HMGCLL1: variants seen among roughly 807,000 people sequenced by gnomAD.
HMGCLL1 encodes the protein 3-hydroxymethyl-3-methylglutaryl-CoA lyase, cytoplasmic.
Under a neutral mutation model 39.1 loss-of-function variants are expected in HMGCLL1, and 36 were observed. That is an observed-to-expected ratio of 0.92 (90% CI 0.71 to 1.22). The LOEUF (loss-of-function observed/expected upper bound fraction) is 1.22. Among genes scored for constraint, HMGCLL1 ranks in the 50% most tolerant of loss-of-function variants. HMGCLL1 has a pLI of 0.00. For synonymous variants in HMGCLL1, 149 were observed against 144.0 expected, an observed-to-expected ratio of 1.03 and a Z score of -0.25; for missense variants, 451 against 416.5, an observed-to-expected ratio of 1.08 and a Z score of -0.72.
chr6:55,589,241 T>G, the HMGCLL1 span, among the ~76,000 whole-genome samples: 1 of 152,202 alleles, frequency 6.6e-6, no homozygotes, highest in Non-Finnish European at 1.5e-5. Context: ...GATGCAAGGC[T>G]GGTTCAACAT....
At chr6:55,459,110 T>C (rs1045363964) in intron 7 of HMGCLL1, among the ~76,000 whole-genome samples, 6 of 152,290 alleles carry the variant, frequency 3.9e-5, no homozygotes, top group Admixed American at 3.9e-4. Flanking sequence ...GTACAGAATG[T>C]TAGCTTTTAG....
intron 1 of HMGCLL1, among the ~76,000 whole-genome samples, chr6:55,549,864 A>G (rs892479755): frequency 4.6e-5 from 7 of 151,978 alleles, no homozygotes; most frequent in Non-Finnish European, 1.0e-4. Context: ...AATACACTCT[A>G]TTAAGCACAG....
rs540931014 is a variant in HMGCLL1 at position 55,536,310 on chromosome 6, T to C, written c.297+5419A>G. 2.6e-5 allele frequency among the ~76,000 whole-genome samples: 4 copies of C among 152,314 alleles called. No individual in the cohort carries two copies. In the South Asian group the frequency reaches 8.3e-4, roughly 32 times the overall value. On this transcript the variant is annotated intron_variant, in intron 3 of 8. Coordinates refer to ENST00000274901, the MANE Select transcript of HMGCLL1 (RefSeq NM_001042406.2). ...AAAATAGCTAATGAGGGAGCAAATA[T>C]TTTTAAACTAAGCCTTTGCCTATGG...
At chr6:55,672,099 A>G in the HMGCLL1 span, among the ~76,000 whole-genome samples, 2 of 151,672 alleles carry the variant, frequency 1.3e-5, no homozygotes, top group Non-Finnish European at 3.0e-5. Flanking sequence ...ATCCTTTTGT[A>G]CCTTTTAAAT....
intron 7 of HMGCLL1, among the ~76,000 whole-genome samples, chr6:55,471,047 T>C (rs1765022540): frequency 1.3e-5 from 2 of 151,900 alleles, no homozygotes; most frequent in East Asian, 1.9e-4. Context: ...AGAATCTCCA[T>C]ATAAGCCTGC....
the HMGCLL1 span, among the ~76,000 whole-genome samples, chr6:55,666,808 C>A: frequency 5.9e-5 from 9 of 151,696 alleles, no homozygotes; most frequent in Non-Finnish European, 1.3e-4. Flanking sequence ...TTTTTGGACA[C>A]ATCATCTGCC....
intron 7 of HMGCLL1, among the ~76,000 whole-genome samples, chr6:55,482,137 C>A (rs1765783380): frequency 6.6e-6 from 1 of 152,120 alleles, no homozygotes; most frequent in Non-Finnish European, 1.5e-5. Flanking sequence ...CAATAAGACA[C>A]CATGACTTTA....
the HMGCLL1 span, among the ~76,000 whole-genome samples, chr6:55,600,080 A>C: frequency 2.0e-5 from 3 of 152,138 alleles, no homozygotes; most frequent in South Asian, 6.2e-4. Flanking sequence ...GTATTTTTTA[A>C]TTCTCTCACA....
chr6:55,609,995 C>CA, the HMGCLL1 span, among the ~76,000 whole-genome samples: 1 of 151,898 alleles, frequency 6.6e-6, no homozygotes, highest in African/African-American at 2.4e-5. Flanking sequence ...CAGCATCAAC[C>CA]AAAAAAAGTC....
the HMGCLL1 span, among the ~76,000 whole-genome samples, chr6:55,668,054 A>G: frequency 3.3e-5 from 5 of 152,034 alleles, 1 homozygote; most frequent in African/African-American, 1.2e-4. Flanking sequence ...CACTGTTAAA[A>G]ATATAAGTAC....
At chr6:55,518,670 AAG>A (rs1235143139) in intron 3 of HMGCLL1, among the ~76,000 whole-genome samples, 1 of 152,152 alleles carries the variant, frequency 6.6e-6, no homozygotes, top group African/African-American at 2.4e-5. Context: ...AGCCTACGCA[AAG>A]AGGCCACATA....
chr6:55,470,292 C>T (rs781633759), intron 7 of HMGCLL1, among the ~76,000 whole-genome samples: 72 of 151,946 alleles, frequency 4.7e-4, no homozygotes, highest in Admixed American at 8.5e-4. Context: ...GTTACAGAAA[C>T]ATCAGTAGAG....
intron 7 of HMGCLL1, among the ~76,000 whole-genome samples, chr6:55,489,011 A>G (rs1250024046): frequency 6.6e-6 from 1 of 151,990 alleles, no homozygotes; most frequent in Non-Finnish European, 1.5e-5. Flanking sequence ...ATATTACATT[A>G]AGCTAAAAAA....
rs778430958 is a variant in HMGCLL1 at position 55,439,526 on chromosome 6, C to T, written c.829G>A (p.Gly277Arg). 25 of 1,612,798 alleles carry T rather than the reference C, an allele frequency of 1.6e-5. 1 individual carries two copies. The highest frequency in any genetic ancestry group is 1.6e-4 in the Middle Eastern group (1 of 6,072). Residue 277 changes from glycine (G) to arginine (R), a missense_variant, in exon 8 of 9, where the codon GGA becomes AGA. Gly to Arg is a moderately radical substitution (Grantham distance 125, BLOSUM62 -2). Coordinates refer to ENST00000274901, the MANE Select transcript of HMGCLL1 (RefSeq NM_001042406.2). ...TTTGCATAAGGGCAGCCACCTAATC[C>T]GGATACTGCGGAGTCCACCACATTA... The part of the protein sequence containing the change: ...GINVVDSAVS[G>R]LGGCPYAKGA...
chr6:55,597,160 C>G, the HMGCLL1 span, among the ~76,000 whole-genome samples: 1 of 152,034 alleles, frequency 6.6e-6, no homozygotes, highest in African/African-American at 2.4e-5. Context: ...TTCCTTAGAA[C>G]TTAACGTATG....
chr6:55,543,461 C>CCTATATATCATATAGAATATATATATG (rs1769729965), intron 1 of HMGCLL1, among the ~76,000 whole-genome samples: 5 of 91,094 alleles, frequency 5.5e-5, no homozygotes, highest in African/African-American at 2.4e-4. Flanking sequence ...TGATATATAT[C>CCTATATATCATATAGAATATATATATG]ATATATATCA....
At chr6:55,674,996 A>G in the HMGCLL1 span, among the ~76,000 whole-genome samples, 1 of 152,130 alleles carries the variant, frequency 6.6e-6, no homozygotes, top group Admixed American at 6.6e-5. Context: ...AATTTCATAA[A>G]AGACAAAAAT....
the HMGCLL1 span, among the ~76,000 whole-genome samples, chr6:55,670,312 A>T: frequency 3.3e-5 from 5 of 151,864 alleles, no homozygotes; most frequent in African/African-American, 1.2e-4. Flanking sequence ...AAACTAAGAT[A>T]ATTCAATGCC....
At chr6:55,584,490 T>C in the HMGCLL1 span, among the ~76,000 whole-genome samples, 2 of 152,128 alleles carry the variant, frequency 1.3e-5, no homozygotes, top group Non-Finnish European at 2.9e-5. Flanking sequence ...ATTACTACCA[T>C]ATAATAAATT....
Sources: allele counts gnomAD v4.1 joint callset (sites outside exome capture counted in the v4.1 genomes callset), GRCh38; gene constraint gnomAD v4.1.1; transcripts MANE v1.5; gene names NCBI Gene and HGNC (gene_info 2026-07-23, HGNC 2026-07-21).